GFAP: variants seen among roughly 807,000 people sequenced by gnomAD.
The protein encoded by GFAP is intermediate filament protein.
Under a neutral mutation model 49.3 loss-of-function variants are expected in GFAP, and 38 were observed. That is an observed-to-expected ratio of 0.77 (90% confidence interval 0.60 to 1.01). The LOEUF (loss-of-function observed/expected upper bound fraction) is 1.01. Ranked by LOEUF, GFAP falls within the 50% of genes least tolerant of loss-of-function variation. The pLI, the probability that GFAP is intolerant of heterozygous loss-of-function variation, is 0.00. For missense variants in GFAP, 463 were observed against 579.1 expected, an observed-to-expected ratio of 0.80 and a Z score of 2.06; for synonymous variants, 222 against 236.4, an observed-to-expected ratio of 0.94 and a Z score of 0.56.
rs925118526 is a variant in GFAP at position 44,907,329 on chromosome 17, C to T, written c.*18G>A. On this transcript the variant is annotated 3_prime_UTR_variant, in exon 9 of 9. Transcript: ENST00000588735. Reference sequence around the variant, plus strand: ...GCCCCTCATGAGACGGGGCAGAGGCCACCAGGTGGGTCCTGCCTCACATCA... The same window carrying T: ...GCCCCTCATGAGACGGGGCAGAGGCTACCAGGTGGGTCCTGCCTCACATCA... The T allele has an allele frequency of 6.2e-7, 1 of 1,612,916 alleles. No homozygotes were observed. Among genetic ancestry groups the T allele is most frequent in the Non-Finnish European group, 8.5e-7 (1 of 1,178,994 alleles).
chr17:44,905,207 TTTTC>T lies in GFAP; in HGVS notation c.*2136_*2139del. Reference sequence around the variant, plus strand: ...CAAATCTGTTACAGCCTGCTCCCCATTTTCATGGGCAGGTCTGGGACCTGATCTG... The same window carrying T: ...CAAATCTGTTACAGCCTGCTCCCCATATGGGCAGGTCTGGGACCTGATCTG... On this transcript the variant is annotated 3_prime_UTR_variant, in exon 9 of 9. Transcript: ENST00000588735. The T allele has an allele frequency of 1.4e-6, 1 of 702,124 alleles. No individual in the cohort carries two copies. The highest frequency in any genetic ancestry group is 2.4e-6 in the Non-Finnish European group (1 of 417,496). The allele number at this position is 702,124 out of a possible 1,614,324, so 43.5% of individuals were successfully genotyped here.
chr17:44,914,171 T>C (rs1278568735), intron 1 of GFAP, 83 bp from the exon 2 acceptor site: 2 of 987,958 alleles, frequency 2.0e-6, no homozygotes, highest in Non-Finnish European at 1.6e-6. Context: ...GAGGCAGCTG[T>C]CACAGAGACC....
At position 44,907,823 on chromosome 17, in the gene GFAP, G is replaced by A. The variant is rs1218031803; in HGVS notation, c.1257+241C>T. On this transcript the variant is annotated intron_variant, in intron 8 of 8. Transcript: ENST00000588735. Reference sequence around the variant, plus strand: ...CCCGAGTTTGAGGGTGAGAAAGAGAGAGTGTGTATTAGGATCCCATCTAGT... The same window carrying A: ...CCCGAGTTTGAGGGTGAGAAAGAGAAAGTGTGTATTAGGATCCCATCTAGT... 8.2e-6 allele frequency: 5 copies of A among 610,594 alleles called. No homozygotes were observed. In the East Asian group the frequency reaches 1.4e-4, roughly 17 times the overall value. 37.8% of individuals were successfully genotyped at this position (610,594 alleles called of 1,614,324 possible). A position where few individuals can be genotyped will look rare whatever the true frequency, so the allele number is the denominator to read the frequency against.
Position 44,903,811 on chromosome 17 carries a change from AC to A in GFAP, c.*3535del. The A allele has an allele frequency of 6.5e-7, 1 of 1,542,482 alleles. No individual in the cohort carries two copies. The highest frequency in any genetic ancestry group is 8.8e-7 in the Non-Finnish European group (1 of 1,142,478). Reference sequence around the variant, plus strand: ...GCCCTGGTTTTGCCCTGCCCCTCTGACCCCTGCCTCCTTCAGGTATGCACCT... The same window carrying A: ...GCCCTGGTTTTGCCCTGCCCCTCTGACCCTGCCTCCTTCAGGTATGCACCT... On this transcript the variant is annotated 3_prime_UTR_variant, in exon 9 of 9. Transcript: ENST00000588735.
At chr17:44,907,980 C>T (rs905214260) in intron 8 of GFAP, 84 bp downstream of exon 8, 1 of 949,786 alleles carries the variant, frequency 1.1e-6, no homozygotes, top group South Asian at 1.3e-5. Flanking sequence ...CTTCTATGTG[C>T]CAGCCCCAGG....
At position 44,904,191 on chromosome 17, in the gene GFAP, G is replaced by A. The variant is rs1485459429; in HGVS notation, c.*3156C>T. On this transcript the variant is annotated 3_prime_UTR_variant, in exon 9 of 9. Transcript: ENST00000588735. ...TTCAGGGCTCAGTCTGAGGACTCAG[G>A]CCTGTACTTCTGCGGCACCCGCAAG... The A allele has an allele frequency of 1.9e-6, 3 of 1,550,450 alleles. No homozygotes were observed.
Position 44,903,301 on chromosome 17 carries a change from T to TC in GFAP, c.*4045dup. 1 of 1,245,078 alleles carries TC rather than the reference T, an allele frequency of 8.0e-7. No individual in the cohort carries two copies. The highest frequency in any genetic ancestry group is 1.5e-5 in the African/African-American group (1 of 64,690). The allele number at this position is 1,245,078 out of a possible 1,614,324, so 77.1% of individuals were successfully genotyped here. ...CTACATCATTTGAGGTGTTGAATTT[T>TC]CCCCTAGAGACTCAGTTCTTGTGCA... On this transcript the variant is annotated 3_prime_UTR_variant, in exon 9 of 9. Transcript: ENST00000588735.
Position 44,915,164 on chromosome 17 carries a change from T to A in GFAP, c.323A>T (p.Glu108Val). Residue 108 changes from glutamate to valine, a missense_variant, in exon 1 of 9, where the codon GAG (glutamate) becomes GTG (valine). This residue lies in a region of GFAP where 362 missense variants were observed against 445.5 expected (regional missense o/e 0.81). Transcript: ENST00000588735. This position sits in a 1 kb window ranked among gnomAD's most constrained non-coding sequence, Gnocchi z 4.1. Reference protein sequence around the residue: ...AAELNQLRAKEPTKLADVYQA... With the variant: ...AAELNQLRAKVPTKLADVYQA... ...GTAGACGTCTGCCAGCTTGGTGGGC[T>A]CCTTGGCCCGCAGCTGGTTCAGCTC... is the stretch of plus-strand genomic sequence containing the variant. 6.2e-7 allele frequency: 1 copy of A among 1,614,142 alleles called. No individual in the cohort carries two copies. Among genetic ancestry groups the A allele is most frequent in the Non-Finnish European group, 8.5e-7 (1 of 1,180,022 alleles).
intron 1 of GFAP, 148 bp downstream of exon 1, chr17:44,914,878 T>C (rs2051869711): frequency 7.3e-6 from 5 of 687,044 alleles, no homozygotes; most frequent in Non-Finnish European, 1.2e-5. Context: ...TCCCATCATG[T>C]TGGGGGGCAA....
At chr17:44,908,236 C>G (rs772287086) in intron 7 of GFAP, 87 bp from the exon 8 acceptor site, 10 of 889,934 alleles carry the variant, frequency 1.1e-5, no homozygotes, top group Non-Finnish European at 1.9e-5. Context: ...TCGCACCCCC[C>G]TCCCCATCAT....
chr17:44,914,653 C>T (rs1193940829), intron 1 of GFAP: 3 of 295,488 alleles, frequency 1.0e-5, no homozygotes, highest in African/African-American at 2.2e-5. Flanking sequence ...GGACATCAAC[C>T]TTCTCCGCTT....
rs2229012 is a variant in GFAP at position 44,913,329 on chromosome 17, C to A, written c.720G>T (p.Thr240=). The A allele has an allele frequency of 7.2e-3, 11,589 of 1,614,160 alleles. 48 individuals carry two copies. The highest frequency in any genetic ancestry group is 8.2e-3 in the Non-Finnish European group (9,690 of 1,180,004). ...DLTAALKEIR[T]QYEAMASSNM... Reference sequence around the variant, plus strand: ...TGCTGGACGCCATTGCCTCATACTGCGTGCGGATCTCTTTCAGGGCTGCGG... The same window carrying A: ...TGCTGGACGCCATTGCCTCATACTGAGTGCGGATCTCTTTCAGGGCTGCGG... Residue 240 remains threonine, a synonymous_variant, in exon 4 of 9, where the codon ACG becomes ACT. Coordinates refer to ENST00000588735, the MANE Select transcript of GFAP (RefSeq NM_002055.5).
intron 4 of GFAP, chr17:44,912,297 AT>A (rs1380504619): frequency 6.4e-6 from 1 of 157,242 alleles, no homozygotes; most frequent in East Asian, 1.9e-4. Context: ...CTGATTTTGT[AT>A]TTTTAGTAGA....
intron 7 of GFAP, 191 bp downstream of exon 7, chr17:44,910,424 A>C: frequency 6.3e-7 from 1 of 1,588,934 alleles, no homozygotes; most frequent in Non-Finnish European, 8.5e-7. Context: ...GGACAGGGGC[A>C]GCTGCAAGCC....
chr17:44,911,590 GT>G, intron 5 of GFAP, 81 bp downstream of exon 5: 7 of 1,586,564 alleles, frequency 4.4e-6, no homozygotes, highest in South Asian at 1.1e-5. Context: ...CCAGGTCCTC[GT>G]CCCTGGCCCT....
At chr17:44,911,939 G>C in intron 4 of GFAP, 142 bp from the exon 5 acceptor site, 1 of 916,466 alleles carries the variant, frequency 1.1e-6, no homozygotes, top group Non-Finnish European at 1.7e-6. Context: ...GTGACCCATG[G>C]ATGCGGGCAG....
At chr17:44,910,027 C>T (rs1179369701) in intron 7 of GFAP, 3 of 1,592,152 alleles carry the variant, frequency 1.9e-6, no homozygotes, top group Non-Finnish European at 2.6e-6. Context: ...AGTCCAGGCC[C>T]TTTAGGGGAA....
At chr17:44,912,774 C>G (rs536752662) in intron 4 of GFAP, 117 of 223,178 alleles carry the variant, frequency 5.2e-4, no homozygotes, top group African/African-American at 2.6e-3. Context: ...CAATATCACA[C>G]CTTCCAGGTC....
At chr17:44,912,578 C>G (rs929736979) in intron 4 of GFAP, 5 of 155,748 alleles carry the variant, frequency 3.2e-5, no homozygotes, top group African/African-American at 1.2e-4. Flanking sequence ...CCCTGCCTCT[C>G]TGTGCTTTTC....
Sources: gnomAD v4.1 joint callset for allele counts on GRCh38, gnomAD v4.1.1 for gene constraint, gnomAD v4.1.1 regional missense constraint, Gnocchi (gnomAD v3.1) non-coding constraint, MANE v1.5 for transcripts, NCBI Gene and HGNC (gene_info 2026-07-23, HGNC 2026-07-21) for gene names.